Variants in SPSB4 observed in about 807,000 individuals in gnomAD.
The protein encoded by SPSB4 is splA/ryanodine receptor domain and SOCS box containing 4.
Under a neutral mutation model 20.9 loss-of-function variants are expected in SPSB4, and 21 were observed. The ratio of observed to expected loss-of-function variants is 1.01; its 90% confidence interval spans 0.71 to 1.45. SPSB4 has a LOEUF of 1.45. SPSB4 is among the 40% of genes most tolerant of loss of function. The pLI, the probability that SPSB4 is intolerant of heterozygous loss-of-function variation, is 0.00. For missense variants in SPSB4, 399 were observed against 399.2 expected (o/e 1.00, Z 0.00); for synonymous variants, 207 against 183.8 (o/e 1.13, Z -1.02).
chr3:141,119,765 T>C (rs966891226), intron 2 of SPSB4, among the ~76,000 whole-genome samples: 1 of 152,254 alleles, frequency 6.6e-6, no homozygotes, highest in African/African-American at 2.4e-5. Flanking sequence ...ATATCCCCTT[T>C]ATCATTTTTT....
intron 2 of SPSB4, among the ~76,000 whole-genome samples, chr3:141,071,200 A>G (rs1203388457): frequency 6.6e-6 from 1 of 152,228 alleles, no homozygotes; most frequent in Admixed American, 6.5e-5. Flanking sequence ...GCGGTGGGCC[A>G]GGCCTTTGGA....
intron 2 of SPSB4, among the ~76,000 whole-genome samples, chr3:141,088,085 G>T (rs565231409): frequency 6.6e-6 from 1 of 152,096 alleles, no homozygotes; most frequent in South Asian, 2.1e-4. Context: ...GCCCAAGGGG[G>T]TCTCTCTGCT....
intron 2 of SPSB4, among the ~76,000 whole-genome samples, chr3:141,085,756 G>A (rs1938326408): frequency 1.3e-5 from 2 of 152,236 alleles, no homozygotes; most frequent in African/African-American, 2.4e-5. Context: ...TCCCTTTGGT[G>A]TGGGTGTGGA....
rs556181332 is a variant in SPSB4, at chr3:141,118,894, C to A, written c.695-28248C>A. On this transcript the variant is annotated intron_variant, in intron 2 of 2. Coordinates refer to ENST00000310546, the MANE Select transcript of SPSB4 (RefSeq NM_080862.3). ...TACCATGCTGTTTTGGTTATGTAGC[C>A]TTGTAGTATAGTTTGAAGTCAGGTA... Among the ~76,000 whole-genome samples the A allele has an allele frequency of 1.4e-3, 213 of 152,208 alleles. 9 individuals carry two copies. The South Asian group carries it at 0.042, about 30-fold the overall frequency.
intron 2 of SPSB4, among the ~76,000 whole-genome samples, chr3:141,116,385 A>G (rs778195286): frequency 6.6e-6 from 1 of 152,130 alleles, no homozygotes; most frequent in Non-Finnish European, 1.5e-5. Flanking sequence ...AGCTTGGAAA[A>G]CCAGCTGGCA....
intron 2 of SPSB4, among the ~76,000 whole-genome samples, chr3:141,075,705 C>T (rs1263040542): frequency 6.6e-6 from 1 of 151,992 alleles, no homozygotes; most frequent in Non-Finnish European, 1.5e-5. Context: ...CACGCCCCAC[C>T]ATCCACCCAT....
intron 2 of SPSB4, among the ~76,000 whole-genome samples, chr3:141,083,454 C>T (rs1938279241): frequency 6.6e-6 from 1 of 152,182 alleles, no homozygotes. Context: ...TGGGGCTTAG[C>T]TCTGCCCCTT....
At position 141,134,049 on chromosome 3, in the gene SPSB4, C is replaced by CTTTTTTTTTTTTTTTT. The variant is rs1939184001; in HGVS notation, c.695-13087_695-13086insTTTTTTTTTTTTTTTT. Among the ~76,000 whole-genome samples, 48 of 63,876 alleles carry CTTTTTTTTTTTTTTTT rather than the reference C, an allele frequency of 7.5e-4. 1 individual carries two copies. Among genetic ancestry groups the CTTTTTTTTTTTTTTTT allele is most frequent in the Non-Finnish European group, 9.4e-4 (32 of 33,896 alleles). 41.9% of individuals were successfully genotyped at this position (63,876 alleles called of 152,430 possible). On this transcript the variant is annotated intron_variant, in intron 2 of 2. Transcript: ENST00000310546. ...TTTTTTCTTTTCTTTTTTTTTTTTTCTTTTTTCTTTTTTTTTTTTTTTTTT... is the reference window on the plus strand; with the variant it reads ...TTTTTTCTTTTCTTTTTTTTTTTTTCTTTTTTTTTTTTTTTTTTTTTTCTTTTTTTTTTTTTTTTTT...
At chr3:141,127,795 G>T (rs1209252545) in intron 2 of SPSB4, among the ~76,000 whole-genome samples, 3 of 152,230 alleles carry the variant, frequency 2.0e-5, no homozygotes, top group Non-Finnish European at 4.4e-5. Flanking sequence ...AGGGCTCCCA[G>T]CTGCCTAGCT....
chr3:141,089,642 C>G (rs1052561561), intron 2 of SPSB4, among the ~76,000 whole-genome samples: 17 of 152,184 alleles, frequency 1.1e-4, no homozygotes, highest in African/African-American at 4.1e-4. Context: ...GGCAATGAAG[C>G]ATTTTATCAG....
intron 2 of SPSB4, among the ~76,000 whole-genome samples, chr3:141,123,321 T>G (rs1319564271): frequency 6.6e-6 from 1 of 152,260 alleles, no homozygotes; most frequent in Non-Finnish European, 1.5e-5. Context: ...TTGTGTTGTC[T>G]CCGCCAATCT....
chr3:141,136,668 C>T (rs1216702873), intron 2 of SPSB4, among the ~76,000 whole-genome samples: 1 of 152,136 alleles, frequency 6.6e-6, no homozygotes, highest in Admixed American at 6.5e-5. Flanking sequence ...GGTATTATTT[C>T]TGAGGGCTCT....
intron 2 of SPSB4, among the ~76,000 whole-genome samples, chr3:141,137,671 C>T (rs1452781380): frequency 1.3e-5 from 2 of 152,186 alleles, no homozygotes; most frequent in African/African-American, 4.8e-5. Flanking sequence ...AGCGTTGCAT[C>T]CCAGGGATGA....
intron 2 of SPSB4, among the ~76,000 whole-genome samples, chr3:141,131,751 C>A (rs1055449912): frequency 3.9e-5 from 6 of 152,150 alleles, no homozygotes; most frequent in African/African-American, 1.2e-4. Flanking sequence ...AGAATTGTTG[C>A]TTTCAGTTTG....
intron 2 of SPSB4, among the ~76,000 whole-genome samples, chr3:141,068,519 C>A (rs1395026528): frequency 6.6e-6 from 1 of 152,124 alleles, no homozygotes; most frequent in Non-Finnish European, 1.5e-5. Flanking sequence ...CCTTGGTGTA[C>A]CAAGGCTCTG....
At chr3:141,091,310 A>T (rs1938445073) in intron 2 of SPSB4, among the ~76,000 whole-genome samples, 1 of 152,224 alleles carries the variant, frequency 6.6e-6, no homozygotes, top group Admixed American at 6.5e-5. Flanking sequence ...TAAAGTAGGG[A>T]TAAAAGCCAT....
At chr3:141,098,745 A>G (rs1393777888) in intron 2 of SPSB4, among the ~76,000 whole-genome samples, 1 of 152,206 alleles carries the variant, frequency 6.6e-6, no homozygotes, top group Non-Finnish European at 1.5e-5. Context: ...CTTTTTCTAT[A>G]TAATTATTTG....
chr3:141,091,864 G>A, intron 2 of SPSB4, among the ~76,000 whole-genome samples: 1 of 151,260 alleles, frequency 6.6e-6, no homozygotes, highest in East Asian at 1.9e-4. Context: ...TGACAGGGCA[G>A]AGAGACTTCC....
chr3:141,136,258 G>T lies in SPSB4; in HGVS notation c.695-10884G>T, dbSNP rs181850242. Among the ~76,000 whole-genome samples the T allele has an allele frequency of 2.8e-3, 423 of 152,216 alleles. 3 individuals carry two copies. Among genetic ancestry groups the T allele is most frequent in the African/African-American group, 9.9e-3 (411 of 41,508 alleles). On this transcript the variant is annotated intron_variant, in intron 2 of 2. Coordinates refer to ENST00000310546, the MANE Select transcript of SPSB4 (RefSeq NM_080862.3). ...TTATTAGCCCTATGTCAGATGAGTA[G>T]GTTCCAAAAATTTTCTCCCATTCTG... is the stretch of plus-strand genomic sequence containing the variant.
Sources: allele counts gnomAD v4.1 joint callset (sites outside exome capture counted in the v4.1 genomes callset), GRCh38; gene constraint gnomAD v4.1.1; transcripts MANE v1.5; gene names NCBI Gene and HGNC (gene_info 2026-07-23, HGNC 2026-07-21).